The following HRH2 variants were observed in gnomAD, a reference collection of about 807,000 sequenced individuals.
The protein encoded by HRH2 is histamine receptor H2, also known as histamine H2 receptor.
A neutral mutation model predicts 20.1 loss-of-function variants in HRH2; 4 were observed. That is an observed-to-expected ratio of 0.20 (90% CI 0.10 to 0.45). The LOEUF (loss-of-function observed/expected upper bound fraction) is 0.45. HRH2 is among the 20% of genes least tolerant of loss of function. HRH2 has a pLI of 0.99. For missense variants in HRH2, 250 were observed against 461.6 expected, an observed-to-expected ratio of 0.54 and a Z score of 4.20; for synonymous variants, 197 against 200.7, an observed-to-expected ratio of 0.98 and a Z score of 0.16.
rs530033931 is a variant in HRH2, at chr5:175,687,636, C to A, written c.1076+3327C>A. On this transcript the variant is annotated intron_variant, in intron 2 of 2. Coordinates refer to ENST00000636584, the MANE Select transcript of HRH2 (RefSeq NM_001367711.1). The surrounding 1 kb of genome is among the most constrained non-coding windows in gnomAD (Gnocchi z 5.2). The stretch of plus-strand genomic sequence containing the variant: ...GTCCCACCATTCGAGAACCTGCTGG[C>A]TGCCTTATGGGCAGACACCATCCGC... Among the ~76,000 whole-genome samples, 68 of 152,226 alleles carry A rather than the reference C, an allele frequency of 4.5e-4. No individual in the cohort carries two copies. The highest frequency in any genetic ancestry group is 1.5e-3 in the African/African-American group (64 of 41,550).
intron 1 of HRH2, among the ~76,000 whole-genome samples, chr5:175,659,082 AT>A (rs1554108395): frequency 6.6e-6 from 1 of 152,070 alleles, no homozygotes; most frequent in Non-Finnish European, 1.5e-5. Flanking sequence ...GAGAGGGTCA[AT>A]CGGTGAAGCT....
intron 1 of HRH2, among the ~76,000 whole-genome samples, chr5:175,673,372 G>T (rs1010298692): frequency 6.6e-6 from 1 of 151,320 alleles, no homozygotes; most frequent in African/African-American, 2.4e-5. Context: ...CAGGTGTTTG[G>T]AGGCTGGGGA....
chr5:175,683,181 GAGA>G lies in HRH2; in HGVS notation c.-47_-45del. ...TGGCATAGTTGTCACATTGGGAGCA[GAGA>G]AGAAGCAACCAGGGGCCCTGATCAG... On this transcript the variant is annotated 5_prime_UTR_variant, in exon 2 of 3. Coordinates refer to ENST00000636584, the MANE Select transcript of HRH2 (RefSeq NM_001367711.1). 2 of 1,572,704 alleles carry G rather than the reference GAGA, an allele frequency of 1.3e-6. No homozygotes were observed. The highest frequency in any genetic ancestry group is 1.2e-5 in the South Asian group (1 of 84,948).
chr5:175,666,202 G>T (rs1336128417), intron 1 of HRH2, among the ~76,000 whole-genome samples: 1 of 152,164 alleles, frequency 6.6e-6, no homozygotes, highest in Non-Finnish European at 1.5e-5. Flanking sequence ...GCTACCTAGA[G>T]GCTGAGCCAG....
chr5:175,666,862 A>G (rs1191586604), intron 1 of HRH2, among the ~76,000 whole-genome samples: 1 of 152,106 alleles, frequency 6.6e-6, no homozygotes, highest in East Asian at 1.9e-4. Flanking sequence ...TAAGACCTTC[A>G]TGTGGTTCAA....
intron 1 of HRH2, among the ~76,000 whole-genome samples, chr5:175,674,603 A>T (rs763835967): frequency 6.6e-6 from 1 of 152,054 alleles, no homozygotes; most frequent in Non-Finnish European, 1.5e-5. Flanking sequence ...CCTGCCCCCA[A>T]TTCCAAATTC....
In HRH2 at chr5:175,685,673, C is replaced by T. The variant is rs945255121; in HGVS notation, c.1076+1364C>T. The T allele has an allele frequency of 1.3e-5, 8 of 628,694 alleles. No individual in the cohort carries two copies. The African/African-American group carries it at 1.3e-4, about 10-fold the overall frequency. The allele number at this position is 628,694 out of a possible 1,614,324, so 38.9% of individuals were successfully genotyped here. ...TCCCCATCTCAGGCCTCAGTTTCCTCATCGCATAGAGAGTTGGTCTTCCCT... is the reference window on the plus strand; with the variant it reads ...TCCCCATCTCAGGCCTCAGTTTCCTTATCGCATAGAGAGTTGGTCTTCCCT... On this transcript the variant is annotated intron_variant, in intron 2 of 2. Coordinates refer to ENST00000636584, the MANE Select transcript of HRH2 (RefSeq NM_001367711.1).
intron 1 of HRH2, among the ~76,000 whole-genome samples, chr5:175,673,726 C>T (rs913495459): frequency 7.3e-5 from 10 of 137,540 alleles, no homozygotes; most frequent in African/African-American, 2.7e-4. Context: ...TTTTTTTTGA[C>T]GGAGTCTCGC....
Position 175,681,151 on chromosome 5 carries a change from T to C in HRH2, c.-525-1558T>C, listed in dbSNP as rs939428001. Among the ~76,000 whole-genome samples, 1 of 152,070 alleles carries C rather than the reference T, an allele frequency of 6.6e-6. No homozygotes were observed. Among genetic ancestry groups the C allele is most frequent in the African/African-American group, 2.4e-5 (1 of 41,384 alleles). The stretch of plus-strand genomic sequence containing the variant: ...ACCCTTATTGCTACCCCCTCCAAAG[T>C]TAATTAAGTGTGGCGGTGAGACCCA... On this transcript the variant is annotated intron_variant, in intron 1 of 2. Transcript: ENST00000636584. This position sits in a 1 kb window ranked among gnomAD's most constrained non-coding sequence, Gnocchi z 4.3.
intron 1 of HRH2, among the ~76,000 whole-genome samples, chr5:175,668,656 T>C (rs1400918079): frequency 6.6e-6 from 1 of 151,412 alleles, no homozygotes; most frequent in Non-Finnish European, 1.5e-5. Context: ...GAGATGAGAG[T>C]CGCGGTGAGG....
chr5:175,672,927 G>A (rs1464560104), intron 1 of HRH2, among the ~76,000 whole-genome samples: 1 of 152,198 alleles, frequency 6.6e-6, no homozygotes, highest in East Asian at 1.9e-4. Context: ...CTCTGGGGAG[G>A]AGCAGGTGTG....
chr5:175,683,181 G>A lies in HRH2; in HGVS notation c.-53G>A. ...TGGCATAGTTGTCACATTGGGAGCA[G>A]AGAAGAAGCAACCAGGGGCCCTGAT... On this transcript the variant is annotated 5_prime_UTR_variant, in exon 2 of 3. Coordinates refer to ENST00000636584, the MANE Select transcript of HRH2 (RefSeq NM_001367711.1). 6.4e-7 allele frequency: 1 copy of A among 1,572,704 alleles called. No homozygotes were observed.
At chr5:175,702,257 AG>A (rs1221223487) in intron 2 of HRH2, among the ~76,000 whole-genome samples, 1 of 152,236 alleles carries the variant, frequency 6.6e-6, no homozygotes, top group Non-Finnish European at 1.5e-5. Flanking sequence ...ACAAGAAAAG[AG>A]GAGGAAAATT....
At chr5:175,663,037 T>C (rs1762784468) in intron 1 of HRH2, among the ~76,000 whole-genome samples, 1 of 152,266 alleles carries the variant, frequency 6.6e-6, no homozygotes, top group African/African-American at 2.4e-5. Flanking sequence ...TTCCATTATA[T>C]GGATAGACCA....
intron 2 of HRH2, among the ~76,000 whole-genome samples, chr5:175,700,576 T>C (rs193098046): frequency 2.6e-5 from 4 of 152,160 alleles, no homozygotes; most frequent in Admixed American, 1.3e-4. Context: ...GAGGAGATGA[T>C]ACTGAACAGA....
chr5:175,690,971 C>T (rs1050053364), intron 2 of HRH2, among the ~76,000 whole-genome samples: 52 of 152,206 alleles, frequency 3.4e-4, no homozygotes, highest in African/African-American at 1.2e-3. Flanking sequence ...TTTTCCCTCC[C>T]GTCTGTTTCT....
chr5:175,672,954 A>T (rs1452111853), intron 1 of HRH2, among the ~76,000 whole-genome samples: 1 of 151,518 alleles, frequency 6.6e-6, no homozygotes, highest in Non-Finnish European at 1.5e-5. Flanking sequence ...CCGAGGAATA[A>T]GAGCAAGGTT....
intron 2 of HRH2, among the ~76,000 whole-genome samples, chr5:175,697,252 A>G (rs1480091934): frequency 2.0e-5 from 3 of 152,038 alleles, no homozygotes; most frequent in African/African-American, 7.2e-5. Context: ...TCACGAGGTC[A>G]GGAGATCGAG....
At position 175,708,529 on chromosome 5, in the gene HRH2, A is replaced by G. The variant is rs1361688162; in HGVS notation, c.*558A>G. On this transcript the variant is annotated 3_prime_UTR_variant, in exon 3 of 3. Coordinates refer to ENST00000636584, the MANE Select transcript of HRH2 (RefSeq NM_001367711.1). ...AGTTTAGAGCAAGAATCACACCCCG[A>G]CTTTACAGAGATGGAAACTGAGGCT... 3.9e-5 allele frequency: 6 copies of G among 152,372 alleles called. No individual in the cohort carries two copies. Among genetic ancestry groups the G allele is most frequent in the Non-Finnish European group, 8.8e-5 (6 of 68,232 alleles). The allele number at this position is 152,372 out of a possible 1,614,324, so 9.4% of individuals were successfully genotyped here.
Sources: gnomAD v4.1 joint callset for allele counts (sites outside exome capture counted in the v4.1 genomes callset) on GRCh38, gnomAD v4.1.1 for gene constraint, Gnocchi (gnomAD v3.1) non-coding constraint, MANE v1.5 for transcripts, NCBI Gene and HGNC (gene_info 2026-07-23, HGNC 2026-07-21) for gene names.